The following CNTN4 variants were observed in gnomAD, a reference collection of about 807,000 sequenced individuals.
The protein encoded by CNTN4 is contactin-4.
A neutral mutation model predicts 122.5 loss-of-function variants in CNTN4; 77 were observed. The observed-to-expected ratio is 0.63, with a 90% confidence interval of 0.52 to 0.76. CNTN4 has a LOEUF of 0.76. Ranked by LOEUF, CNTN4 falls within the 30% of genes least tolerant of loss-of-function variation. CNTN4 has a pLI of 0.00. For synonymous variants in CNTN4, 512 were observed against 447.0 expected, an observed-to-expected ratio of 1.15 and a Z score of -1.83; for missense variants, 1,256 against 1,259.1, an observed-to-expected ratio of 1.00 and a Z score of 0.04.
chr3:2,703,120 G>T (rs992590442), intron 4 of CNTN4, among the ~76,000 whole-genome samples: 4 of 152,156 alleles, frequency 2.6e-5, no homozygotes, highest in Non-Finnish European at 4.4e-5. Context: ...TACAGAGGAC[G>T]AAACGGAGGC....
At chr3:2,795,811 C>T (rs1186809812) in intron 6 of CNTN4, among the ~76,000 whole-genome samples, 4 of 152,088 alleles carry the variant, frequency 2.6e-5, no homozygotes, top group East Asian at 1.9e-4. Flanking sequence ...TGAGCCACCA[C>T]GCCCAGCCAC....
intron 4 of CNTN4, among the ~76,000 whole-genome samples, chr3:2,600,655 A>T (rs1279617874): frequency 6.6e-6 from 1 of 152,208 alleles, no homozygotes; most frequent in Non-Finnish European, 1.5e-5. Flanking sequence ...GTGCCACAAT[A>T]AACATACGTG....
At chr3:2,651,513 C>A (rs1390871296) in intron 4 of CNTN4, among the ~76,000 whole-genome samples, 2 of 151,922 alleles carry the variant, frequency 1.3e-5, no homozygotes, top group Non-Finnish European at 2.9e-5. Flanking sequence ...CTGGGTGTTA[C>A]ACTGAAAAAA....
chr3:2,913,160 AC>A (rs1420893270), intron 12 of CNTN4, among the ~76,000 whole-genome samples: 45 of 152,164 alleles, frequency 3.0e-4, no homozygotes, highest in Non-Finnish European at 5.6e-4. Flanking sequence ...TCAAAAATAA[AC>A]AAATTAAATA....
intron 2 of CNTN4, among the ~76,000 whole-genome samples, chr3:2,280,063 TC>T (rs2041661189): frequency 6.6e-6 from 1 of 152,052 alleles, no homozygotes; most frequent in Admixed American, 6.6e-5. Context: ...TCTTTTTTGA[TC>T]AGGTTTTCTT....
At chr3:2,559,025 T>G (rs1287430203) in intron 3 of CNTN4, among the ~76,000 whole-genome samples, 1 of 152,198 alleles carries the variant, frequency 6.6e-6, no homozygotes, top group Non-Finnish European at 1.5e-5. Context: ...CGATTTGGCC[T>G]AAGTCAGCCT....
intron 2 of CNTN4, among the ~76,000 whole-genome samples, chr3:2,291,791 T>C (rs940331118): frequency 9.2e-5 from 14 of 152,148 alleles, no homozygotes; most frequent in Non-Finnish European, 1.5e-4. Context: ...TAGAGGGCGA[T>C]GGCAGGATCT....
At chr3:2,379,880 C>G (rs892018128) in intron 3 of CNTN4, among the ~76,000 whole-genome samples, 15 of 151,994 alleles carry the variant, frequency 9.9e-5, no homozygotes, top group Middle Eastern at 3.4e-3. Flanking sequence ...CATGGAGAAA[C>G]CCCATCTCTA....
intron 2 of CNTN4, among the ~76,000 whole-genome samples, chr3:2,271,730 A>T (rs752723500): frequency 1.3e-5 from 2 of 152,148 alleles, no homozygotes; most frequent in African/African-American, 2.4e-5. Context: ...GGGGTCCCCA[A>T]CTAAAGAATG....
chr3:2,269,020 T>C (rs1203424037), intron 2 of CNTN4, among the ~76,000 whole-genome samples: 1 of 152,124 alleles, frequency 6.6e-6, no homozygotes, highest in Non-Finnish European at 1.5e-5. Context: ...ATTAACCAAA[T>C]AGGCATCTGT....
intron 4 of CNTN4, among the ~76,000 whole-genome samples, chr3:2,620,429 G>C (rs62232706): frequency 6.6e-6 from 1 of 152,172 alleles, no homozygotes; most frequent in Admixed American, 6.5e-5. Context: ...GAGCCCAGCA[G>C]GTTGAGGCTG....
At chr3:3,053,209 A>AT (rs368059530) in intron 23 of CNTN4, among the ~76,000 whole-genome samples, 44 of 152,038 alleles carry the variant, frequency 2.9e-4, no homozygotes, top group African/African-American at 8.7e-4. Context: ...TAATTTTTGT[A>AT]TTTTTTGTAG....
intron 4 of CNTN4, among the ~76,000 whole-genome samples, chr3:2,708,934 A>G (rs917145866): frequency 4.6e-5 from 7 of 152,190 alleles, no homozygotes; most frequent in African/African-American, 1.4e-4. Flanking sequence ...TGTATACCCA[A>G]TCATGTATGG....
At position 2,644,823 on chromosome 3, in the gene CNTN4, G is replaced by A. The variant is rs187816586; in HGVS notation, c.55+73265G>A. On this transcript the variant is annotated intron_variant, in intron 4 of 24. Coordinates refer to ENST00000418658, the MANE Select transcript of CNTN4 (RefSeq NM_175607.3). ...GTTAGGGTTGCATCTAGAGATAAAC[G>A]CAGTGACTCTAACTGATGTCAAGAA... Among the ~76,000 whole-genome samples the A allele has an allele frequency of 9.1e-4, 134 of 147,108 alleles. 1 individual carries two copies. Among genetic ancestry groups the A allele is most frequent in the Non-Finnish European group, 1.5e-3 (98 of 67,224 alleles).
intron 3 of CNTN4, among the ~76,000 whole-genome samples, chr3:2,497,336 A>G (rs926704543): frequency 1.3e-5 from 2 of 152,200 alleles, no homozygotes; most frequent in African/African-American, 2.4e-5. Flanking sequence ...GGCCCCCAGT[A>G]TCTAAAATCA....
chr3:2,179,567 C>T, intron 2 of CNTN4, among the ~76,000 whole-genome samples: 1 of 151,958 alleles, frequency 6.6e-6, no homozygotes, highest in East Asian at 1.9e-4. Context: ...TTTTTCATGT[C>T]CAACACCGCC....
intron 2 of CNTN4, among the ~76,000 whole-genome samples, chr3:2,167,356 C>T (rs1020458331): frequency 2.6e-5 from 4 of 151,920 alleles, no homozygotes; most frequent in Admixed American, 6.6e-5. Flanking sequence ...AAAAAGGTAA[C>T]GTGTAACAAT....
intron 6 of CNTN4, among the ~76,000 whole-genome samples, chr3:2,784,278 C>G (rs866854304): frequency 2.9e-4 from 44 of 152,272 alleles, no homozygotes; most frequent in Middle Eastern, 3.4e-3. Flanking sequence ...CATGTGTTCT[C>G]CCTTACCGCC....
intron 4 of CNTN4, among the ~76,000 whole-genome samples, chr3:2,694,358 G>A (rs1192209477): frequency 1.3e-5 from 2 of 152,204 alleles, no homozygotes; most frequent in Non-Finnish European, 2.9e-5. Flanking sequence ...TCTTATGTCA[G>A]TGTGTACTTA....
Sources: gnomAD v4.1 joint callset for allele counts (sites outside exome capture counted in the v4.1 genomes callset) on GRCh38, gnomAD v4.1.1 for gene constraint, MANE v1.5 for transcripts, NCBI Gene and HGNC (gene_info 2026-07-23, HGNC 2026-07-21) for gene names.